The following SEMA3E variants were observed in gnomAD, a reference collection of about 807,000 sequenced individuals.
SEMA3E encodes the protein semaphorin 3E.
A neutral mutation model predicts 93.6 loss-of-function variants in SEMA3E; 49 were observed. The ratio of observed to expected loss-of-function variants is 0.52; its 90% CI spans 0.42 to 0.66. The LOEUF (loss-of-function observed/expected upper bound fraction) is 0.66, where lower values mean the gene tolerates loss of function less well. Ranked by LOEUF, SEMA3E falls within the 30% of genes least tolerant of loss-of-function variation. The probability of loss-of-function intolerance (pLI) is 0.00; values close to 1 mark genes in which losing one functional copy is unlikely to be tolerated. For missense variants in SEMA3E, 906 were observed against 964.8 expected (o/e 0.94, Z 0.81); for synonymous variants, 363 against 330.7 (o/e 1.10, Z -1.06).
At chr7:83,600,468 C>T (rs1253444910) in intron 1 of SEMA3E, among the ~76,000 whole-genome samples, 1 of 148,620 alleles carries the variant, frequency 6.7e-6, no homozygotes, top group African/African-American at 2.5e-5. Context: ...TACAGGCGCC[C>T]GCCACCACGC....
intron 16 of SEMA3E, among the ~76,000 whole-genome samples, chr7:83,380,568 A>T (rs577328726): frequency 7.9e-5 from 12 of 152,072 alleles, no homozygotes; most frequent in Non-Finnish European, 1.6e-4. Flanking sequence ...ATCCTTTAAG[A>T]TGTGGCTCAA....
intron 2 of SEMA3E, among the ~76,000 whole-genome samples, chr7:83,487,223 T>C (rs1454239622): frequency 1.3e-5 from 2 of 152,106 alleles, no homozygotes; most frequent in Non-Finnish European, 2.9e-5. Context: ...CTGCTATCTC[T>C]TGGTCTTATG....
At chr7:83,510,546 G>T (rs1790797115) in intron 1 of SEMA3E, among the ~76,000 whole-genome samples, 1 of 151,894 alleles carries the variant, frequency 6.6e-6, no homozygotes, top group African/African-American at 2.4e-5. Flanking sequence ...TTCAAACATT[G>T]AACCATGAAG....
At position 83,579,581 on chromosome 7, in the gene SEMA3E, A is replaced by G. The variant is rs902745556; in HGVS notation, c.115+68847T>C. ...AGCAAGACAACCATTGGTACATGGT[A>G]AAAAGTAAGGAAAAAGTAAATGTTA... On this transcript the variant is annotated intron_variant, in intron 1 of 16. Transcript: ENST00000643230. Among the ~76,000 whole-genome samples the G allele has an allele frequency of 5.9e-5, 9 of 152,236 alleles. No homozygotes were observed. The South Asian group carries it at 1.0e-3, about 18-fold the overall frequency.
At chr7:83,385,044 A>G (rs1197119809) in intron 16 of SEMA3E, among the ~76,000 whole-genome samples, 1 of 151,148 alleles carries the variant, frequency 6.6e-6, no homozygotes, top group Admixed American at 6.6e-5. Context: ...CAAGATCCAA[A>G]TTAATGATTT....
chr7:83,370,361 C>T (rs1005626108), intron 16 of SEMA3E, among the ~76,000 whole-genome samples: 2 of 152,140 alleles, frequency 1.3e-5, no homozygotes, highest in East Asian at 1.9e-4. Context: ...CTTCTAGTCT[C>T]CCTATCCTCA....
intron 2 of SEMA3E, among the ~76,000 whole-genome samples, chr7:83,481,524 T>C (rs1382173975): frequency 2.0e-5 from 3 of 152,116 alleles, no homozygotes; most frequent in Non-Finnish European, 4.4e-5. Context: ...ACTATTCTCT[T>C]TGAGGAGGTG....
chr7:83,435,751 ATAGT>A (rs1347676428), intron 4 of SEMA3E, among the ~76,000 whole-genome samples: 3 of 152,228 alleles, frequency 2.0e-5, no homozygotes, highest in Admixed American at 6.5e-5. Flanking sequence ...ATCTTCGTCT[ATAGT>A]TAGTTAGCAA....
At chr7:83,642,026 C>CT (rs1794018361) in intron 1 of SEMA3E, among the ~76,000 whole-genome samples, 1 of 152,152 alleles carries the variant, frequency 6.6e-6, no homozygotes, top group Admixed American at 6.6e-5. Context: ...ATGCCTCATC[C>CT]AAAGTCTAGG....
At chr7:83,484,794 T>C (rs1418389106) in intron 2 of SEMA3E, among the ~76,000 whole-genome samples, 1 of 152,196 alleles carries the variant, frequency 6.6e-6, no homozygotes, top group African/African-American at 2.4e-5. Flanking sequence ...GAAATAATTC[T>C]AGGGTTATTA....
At chr7:83,391,153 C>A (rs1788010766) in intron 14 of SEMA3E, among the ~76,000 whole-genome samples, 1 of 152,114 alleles carries the variant, frequency 6.6e-6, no homozygotes, top group South Asian at 2.1e-4. Context: ...TTTGTGCAGA[C>A]AATTAATTCC....
chr7:83,597,906 G>A (rs1055316582), intron 1 of SEMA3E, among the ~76,000 whole-genome samples: 4 of 152,016 alleles, frequency 2.6e-5, no homozygotes, highest in Admixed American at 6.6e-5. Context: ...ATATGTATAG[G>A]TATACAAGAA....
chr7:83,449,473 T>C (rs1235919621), intron 4 of SEMA3E, among the ~76,000 whole-genome samples: 1 of 151,994 alleles, frequency 6.6e-6, no homozygotes, highest in African/African-American at 2.4e-5. Context: ...TTTAATTTCA[T>C]ATACATATAT....
At chr7:83,550,824 C>T (rs1791749596) in intron 1 of SEMA3E, among the ~76,000 whole-genome samples, 1 of 151,846 alleles carries the variant, frequency 6.6e-6, no homozygotes, top group South Asian at 2.1e-4. Context: ...ATGAGAAGTC[C>T]CACACATCAA....
chr7:83,377,045 C>T (rs1267680618), intron 16 of SEMA3E, among the ~76,000 whole-genome samples: 2 of 151,958 alleles, frequency 1.3e-5, no homozygotes, highest in African/African-American at 2.4e-5. Flanking sequence ...AATTCCCCTA[C>T]AGGAGATTTG....
At chr7:83,467,454 A>G (rs1456119448) in intron 3 of SEMA3E, among the ~76,000 whole-genome samples, 1 of 152,264 alleles carries the variant, frequency 6.6e-6, no homozygotes, top group Non-Finnish European at 1.5e-5. Context: ...AAAACTAACC[A>G]ACAAAAATAA....
At chr7:83,399,047 T>A (rs899350605) in intron 11 of SEMA3E, among the ~76,000 whole-genome samples, 1 of 152,098 alleles carries the variant, frequency 6.6e-6, no homozygotes, top group African/African-American at 2.4e-5. Context: ...ATATTAATAT[T>A]AATATTACAT....
At chr7:83,429,800 G>A (rs1050283375) in intron 4 of SEMA3E, among the ~76,000 whole-genome samples, 4 of 152,022 alleles carry the variant, frequency 2.6e-5, no homozygotes, top group African/African-American at 9.7e-5. Context: ...ATTGGGAAGG[G>A]GAATTCCATT....
intron 4 of SEMA3E, among the ~76,000 whole-genome samples, chr7:83,434,167 C>T (rs1001847573): frequency 6.6e-6 from 1 of 151,946 alleles, no homozygotes; most frequent in African/African-American, 2.4e-5. Context: ...AGAAACTTTC[C>T]GTCAAATGAA....
Sources: gnomAD v4.1 joint callset for allele counts (sites outside exome capture counted in the v4.1 genomes callset) on GRCh38, gnomAD v4.1.1 for gene constraint, MANE v1.5 for transcripts, NCBI Gene and HGNC (gene_info 2026-07-23, HGNC 2026-07-21) for gene names.